CNTN3: variants seen among roughly 807,000 people sequenced by gnomAD.
CNTN3 encodes contactin 3, also known as contactin-3.
CNTN3 carries 60 observed loss-of-function variants against 119.1 expected under a neutral mutation model. The observed-to-expected ratio is 0.50, with a 90% CI of 0.41 to 0.62. The LOEUF is 0.62. CNTN3 is among the 20% of genes least tolerant of loss of function. The probability of loss-of-function intolerance (pLI) is 0.00; values close to 1 mark genes in which losing one functional copy is unlikely to be tolerated. For synonymous variants in CNTN3, 450 were observed against 438.7 expected, an observed-to-expected ratio of 1.03 and a Z score of -0.32; for missense variants, 1,101 against 1,242.4, an observed-to-expected ratio of 0.89 and a Z score of 1.71.
At chr3:74,302,385 A>G (rs1043830642) in intron 14 of CNTN3, among the ~76,000 whole-genome samples, 2 of 152,236 alleles carry the variant, frequency 1.3e-5, no homozygotes, top group African/African-American at 4.8e-5. Context: ...AAGCAAACAC[A>G]CTGCACAATA....
At chr3:74,379,551 A>G (rs1704565641) in intron 5 of CNTN3, among the ~76,000 whole-genome samples, 1 of 152,190 alleles carries the variant, frequency 6.6e-6, no homozygotes, top group African/African-American at 2.4e-5. Context: ...TGTAAATGCA[A>G]AAAATGTGAA....
intron 4 of CNTN3, among the ~76,000 whole-genome samples, chr3:74,428,243 T>C (rs1215674322): frequency 6.6e-6 from 1 of 152,124 alleles, no homozygotes; most frequent in Non-Finnish European, 1.5e-5. Context: ...TATTGTTATT[T>C]TAGAATATAT....
chr3:74,294,360 C>T (rs2106801074), intron 19 of CNTN3, among the ~76,000 whole-genome samples: 1 of 152,300 alleles, frequency 6.6e-6, no homozygotes, highest in African/African-American at 2.4e-5. Context: ...TTTAAAGCCA[C>T]CTGTGACCTG....
intron 11 of CNTN3, among the ~76,000 whole-genome samples, chr3:74,337,716 G>A (rs1054784458): frequency 6.6e-6 from 1 of 152,076 alleles, no homozygotes; most frequent in Non-Finnish European, 1.5e-5. Context: ...GGGAATTATG[G>A]AAGCTACAAT....
At position 74,299,902 on chromosome 3, in the gene CNTN3, C is replaced by T. The variant is rs757660090; in HGVS notation, c.2132G>A (p.Gly711Asp). The change falls in exon 17 of 23, where the codon GGC becomes GAC. Residue 711 changes from glycine (G) to aspartate (D), a missense_variant. Gly to Asp is a moderately conservative substitution (Grantham distance 94). Transcript: ENST00000263665. ...TATCACAAGTTCAGACCGGCTTCCG[C>T]CTCCTCCATTGACTTCAGAAGGAGG... ...EVPPSEVNGG[G>D]GSRSELVITW... The T allele has an allele frequency of 5.0e-6, 8 of 1,606,098 alleles. No individual in the cohort carries two copies. The South Asian group carries it at 9.0e-5, about 18-fold the overall frequency.
intron 20 of CNTN3, among the ~76,000 whole-genome samples, chr3:74,276,527 T>C (rs1701883238): frequency 6.6e-6 from 1 of 152,050 alleles, no homozygotes; most frequent in Non-Finnish European, 1.5e-5. Flanking sequence ...AACCTGCTCC[T>C]GAGTGATCAT....
chr3:74,426,966 T>A (rs1701704948), intron 4 of CNTN3, among the ~76,000 whole-genome samples: 1 of 152,246 alleles, frequency 6.6e-6, no homozygotes, highest in African/African-American at 2.4e-5. Flanking sequence ...AGTGTGGATG[T>A]TTTCTATCAC....
At chr3:74,544,831 C>A (rs908338420) in intron 1 of CNTN3, among the ~76,000 whole-genome samples, 5 of 152,118 alleles carry the variant, frequency 3.3e-5, no homozygotes, top group Non-Finnish European at 7.4e-5. Flanking sequence ...ATCTCCTGAC[C>A]ACATGATCCT....
At chr3:74,566,642 G>A (rs1476313462) in intron 1 of CNTN3, among the ~76,000 whole-genome samples, 1 of 152,104 alleles carries the variant, frequency 6.6e-6, no homozygotes, top group African/African-American at 2.4e-5. Context: ...AGAGACACCA[G>A]TCATTGGGTG....
intron 11 of CNTN3, among the ~76,000 whole-genome samples, chr3:74,356,204 C>T (rs1338049241): frequency 2.6e-5 from 4 of 152,022 alleles, no homozygotes; most frequent in Non-Finnish European, 2.9e-5. Flanking sequence ...CAGACTGGTG[C>T]CTTGTTCTTA....
At chr3:74,285,834 TATATAA>T (rs1308275445) in intron 19 of CNTN3, among the ~76,000 whole-genome samples, 5 of 116,050 alleles carry the variant, frequency 4.3e-5, no homozygotes, top group African/African-American at 1.4e-4. Context: ...TATATATATA[TATATAA>T]AATTAAAAAT....
chr3:74,591,206 T>C (rs1704696931), intron 1 of CNTN3, among the ~76,000 whole-genome samples: 1 of 151,918 alleles, frequency 6.6e-6, no homozygotes, highest in African/African-American at 2.4e-5. Flanking sequence ...TGTGAGTAAG[T>C]TTGTTACATA....
At chr3:74,500,901 G>C (rs528054410) in intron 2 of CNTN3, among the ~76,000 whole-genome samples, 1 of 152,180 alleles carries the variant, frequency 6.6e-6, no homozygotes, top group South Asian at 2.1e-4. Flanking sequence ...ATTCCCAACA[G>C]AAGACAAATG....
At chr3:74,571,006 T>A (rs558045367) in intron 1 of CNTN3, among the ~76,000 whole-genome samples, 1 of 152,318 alleles carries the variant, frequency 6.6e-6, no homozygotes, top group Non-Finnish European at 1.5e-5. Flanking sequence ...GAAGCATCTG[T>A]AAGATAATAA....
chr3:74,386,715 AATG>A (rs1704753543), intron 5 of CNTN3, among the ~76,000 whole-genome samples: 1 of 152,198 alleles, frequency 6.6e-6, no homozygotes, highest in South Asian at 2.1e-4. Context: ...GTAAAATTAA[AATG>A]ATAACCTTAT....
chr3:74,296,682 C>T (rs550777423), intron 18 of CNTN3, among the ~76,000 whole-genome samples: 1 of 152,162 alleles, frequency 6.6e-6, no homozygotes, highest in East Asian at 1.9e-4. Context: ...GGGCAAAGGC[C>T]CTTGGTTAAA....
At chr3:74,410,730 G>T (rs1269234675) in intron 5 of CNTN3, among the ~76,000 whole-genome samples, 1 of 152,082 alleles carries the variant, frequency 6.6e-6, no homozygotes, top group African/African-American at 2.4e-5. Context: ...CTTATCTGAA[G>T]ATCAATGATT....
intron 5 of CNTN3, among the ~76,000 whole-genome samples, chr3:74,393,214 T>C (rs146961566): frequency 1.6e-4 from 24 of 152,298 alleles, no homozygotes; most frequent in African/African-American, 5.8e-4. Context: ...TCCTGAGCTA[T>C]GTGAGATATT....
chr3:74,560,347 T>C (rs545256741), intron 1 of CNTN3, among the ~76,000 whole-genome samples: 59 of 152,184 alleles, frequency 3.9e-4, no homozygotes, highest in Non-Finnish European at 3.2e-4. Flanking sequence ...GATGGTAATC[T>C]CATATCCACA....
Sources: gnomAD v4.1 joint callset for allele counts (sites outside exome capture counted in the v4.1 genomes callset) on GRCh38, gnomAD v4.1.1 for gene constraint, MANE v1.5 for transcripts, NCBI Gene and HGNC (gene_info 2026-07-23, HGNC 2026-07-21) for gene names.